BLTP1: variants seen among roughly 807,000 people sequenced by gnomAD.
BLTP1 encodes the protein bridge-like lipid transfer protein family member 1.
the BLTP1 span, chr4:122,242,931 T>C: frequency 3.2e-6 from 3 of 937,762 alleles, no homozygotes; most frequent in Non-Finnish European, 5.1e-6. Flanking sequence ...TATTTACATA[T>C]ATCAGTTGAT....
chr4:122,185,065 A>C, the BLTP1 span: 1 of 985,382 alleles, frequency 1.0e-6, no homozygotes, highest in African/African-American at 1.7e-5. Context: ...CTAGTGAAGT[A>C]ATAGTGAAAT....
At chr4:122,199,951 T>C in the BLTP1 span, 1 of 974,102 alleles carries the variant, frequency 1.0e-6, no homozygotes, top group Non-Finnish European at 1.2e-6. Flanking sequence ...AATTGCTGAT[T>C]GGGGACTCAT....
the BLTP1 span, chr4:122,235,047 T>G: frequency 6.4e-7 from 1 of 1,560,726 alleles, no homozygotes; most frequent in East Asian, 2.3e-5. Context: ...TCGTCACTTG[T>G]GCTAATTGTT....
At chr4:122,290,567 C>A in the BLTP1 span, among the ~76,000 whole-genome samples, 2 of 151,640 alleles carry the variant, frequency 1.3e-5, no homozygotes. Flanking sequence ...GCGGGTGGAT[C>A]ATTAGGTCAG....
chr4:122,348,719 T>G, the BLTP1 span: 1 of 1,568,130 alleles, frequency 6.4e-7, no homozygotes, highest in Non-Finnish European at 8.7e-7. Flanking sequence ...AAATACAACG[T>G]AAGCTATTCA....
the BLTP1 span, chr4:122,247,141 T>G: frequency 1.9e-6 from 3 of 1,595,844 alleles, no homozygotes; most frequent in Non-Finnish European, 2.6e-6. Flanking sequence ...CATTTTACTC[T>G]CTTTTTTTTC....
the BLTP1 span, chr4:122,174,445 G>A: frequency 2.8e-6 from 4 of 1,438,622 alleles, no homozygotes; most frequent in Non-Finnish European, 3.7e-6. Flanking sequence ...AGGCTGTAAG[G>A]GTATCAGGAA....
the BLTP1 span, chr4:122,267,640 CAT>C: frequency 1.0e-6 from 1 of 976,992 alleles, no homozygotes; most frequent in Non-Finnish European, 1.2e-6. Context: ...GGGCAGAAGT[CAT>C]ATTGAGAGTC....
At chr4:122,281,700 C>T in the BLTP1 span, 2 of 1,611,230 alleles carry the variant, frequency 1.2e-6, no homozygotes, top group African/African-American at 1.3e-5. Context: ...GATGGTATAG[C>T]CATTGGAGCA....
chr4:122,260,193 T>C, the BLTP1 span, among the ~76,000 whole-genome samples: 6 of 152,126 alleles, frequency 3.9e-5, no homozygotes, highest in Non-Finnish European at 8.8e-5. Flanking sequence ...CAGTGGGCAA[T>C]TGGAATGCAA....
the BLTP1 span, among the ~76,000 whole-genome samples, chr4:122,332,283 G>T: frequency 4.6e-5 from 7 of 151,786 alleles, no homozygotes; most frequent in Admixed American, 3.9e-4. Context: ...AATAAAAAAG[G>T]TACTATAAAC....
At chr4:122,239,739 C>T in the BLTP1 span, 2 of 1,614,176 alleles carry the variant, frequency 1.2e-6, no homozygotes, top group South Asian at 1.1e-5. Context: ...TGAGAATGTA[C>T]TAGACTCACC....
At chr4:122,253,652 T>C in the BLTP1 span, among the ~76,000 whole-genome samples, 1 of 152,050 alleles carries the variant, frequency 6.6e-6, no homozygotes. Flanking sequence ...CTACAAGATC[T>C]AGAAAATAGC....
chr4:122,329,452 TA>T, the BLTP1 span, among the ~76,000 whole-genome samples: 1 of 151,744 alleles, frequency 6.6e-6, no homozygotes, highest in South Asian at 2.1e-4. Flanking sequence ...GCGTCTTTTC[TA>T]ACAATTTTTC....
chr4:122,300,570 A>C, the BLTP1 span, among the ~76,000 whole-genome samples: 452 of 152,254 alleles, frequency 3.0e-3, 1 homozygote, highest in Non-Finnish European at 5.3e-3. Flanking sequence ...AAATATTTTT[A>C]TCATAGTACT....
chr4:122,263,361 T>C, the BLTP1 span: 13 of 1,450,570 alleles, frequency 9.0e-6, no homozygotes, highest in Admixed American at 3.5e-4. Context: ...AACTTGATTC[T>C]TCAAATATAG....
chr4:122,183,646 A>G, the BLTP1 span: 1 of 373,808 alleles, frequency 2.7e-6, no homozygotes, highest in Non-Finnish European at 3.7e-6. Context: ...AGTTACAATC[A>G]CAGGAATTTC....
chr4:122,157,841 T>A, the BLTP1 span, among the ~76,000 whole-genome samples: 18 of 152,178 alleles, frequency 1.2e-4, no homozygotes, highest in Non-Finnish European at 2.4e-4. Context: ...ATTATGTGGA[T>A]CCATTTGGCT....
the BLTP1 span, chr4:122,362,315 TATA>T: frequency 8.3e-7 from 1 of 1,202,026 alleles, no homozygotes; most frequent in African/African-American, 1.5e-5. Context: ...GTTTTTTTAG[TATA>T]ATAATTTGAA....
Sources: allele counts gnomAD v4.1 joint callset (sites outside exome capture counted in the v4.1 genomes callset), GRCh38; gene constraint gnomAD v4.1.1; transcripts MANE v1.5; gene names NCBI Gene and HGNC (gene_info 2026-07-23, HGNC 2026-07-21).